MECOM: variants seen among roughly 807,000 people sequenced by gnomAD.
The protein encoded by MECOM is histone-lysine N-methyltransferase MECOM.
Under a neutral mutation model 116.3 loss-of-function variants are expected in MECOM, and 13 were observed. The ratio of observed to expected loss-of-function variants is 0.11; its 90% CI spans 0.07 to 0.18. The LOEUF is 0.18. MECOM is among the 10% of genes least tolerant of loss of function. MECOM has a pLI of 1.00. For missense variants in MECOM, 1,299 were observed against 1,509.0 expected (o/e 0.86, Z 2.31); for synonymous variants, 528 against 535.2 (o/e 0.99, Z 0.19).
chr3:169,091,803 A>G (rs927378005), intron 14 of MECOM, among the ~76,000 whole-genome samples: 3 of 151,872 alleles, frequency 2.0e-5, no homozygotes, highest in Admixed American at 2.0e-4. Flanking sequence ...TTATTTTAGT[A>G]AAAAATGTTT....
chr3:169,482,874 A>T (rs1185737848), intron 1 of MECOM, among the ~76,000 whole-genome samples: 2 of 152,256 alleles, frequency 1.3e-5, no homozygotes, highest in Non-Finnish European at 2.9e-5. Flanking sequence ...GCCACGAAGC[A>T]GGGACTTGCC....
At chr3:169,644,866 G>T (rs1039565708) in intron 1 of MECOM, among the ~76,000 whole-genome samples, 2 of 152,088 alleles carry the variant, frequency 1.3e-5, no homozygotes, top group African/African-American at 4.8e-5. Flanking sequence ...AGGAGTGTGG[G>T]CCCTTCAGGT....
chr3:169,663,303 G>A (rs1776573947), intron 1 of MECOM, 33 bp downstream of exon 1: 8 of 1,596,238 alleles, frequency 5.0e-6, no homozygotes, highest in Non-Finnish European at 6.8e-6. Flanking sequence ...AGAGGAGGGG[G>A]AAAAGCCAAT....
chr3:169,283,852 A>C (rs1402543489), intron 2 of MECOM, among the ~76,000 whole-genome samples: 1 of 152,110 alleles, frequency 6.6e-6, no homozygotes, highest in Non-Finnish European at 1.5e-5. Context: ...AATGGCTTCT[A>C]CTGATAGTTG....
intron 3 of MECOM, among the ~76,000 whole-genome samples, chr3:169,138,779 A>C (rs1350631735): frequency 6.6e-6 from 1 of 152,180 alleles, no homozygotes; most frequent in Admixed American, 6.5e-5. Context: ...ACATTTTTGC[A>C]GTATACATAG....
At chr3:169,384,815 G>A (rs983125302) in intron 1 of MECOM, among the ~76,000 whole-genome samples, 3 of 152,116 alleles carry the variant, frequency 2.0e-5, no homozygotes, top group African/African-American at 4.8e-5. Context: ...TTTAAAAAAG[G>A]ATAGAGGCCG....
intron 2 of MECOM, among the ~76,000 whole-genome samples, chr3:169,226,463 C>G (rs779221578): frequency 1.4e-4 from 21 of 152,150 alleles, no homozygotes; most frequent in Non-Finnish European, 2.8e-4. Context: ...TGTAACAATA[C>G]ATCTTTTCTG....
intron 1 of MECOM, among the ~76,000 whole-genome samples, chr3:169,573,864 T>G (rs1366623532): frequency 1.3e-5 from 2 of 152,112 alleles, no homozygotes; most frequent in African/African-American, 2.4e-5. Context: ...CCACGTTGAG[T>G]TGGAAATGAA....
At chr3:169,575,704 G>A (rs1254281892) in intron 1 of MECOM, among the ~76,000 whole-genome samples, 1 of 152,120 alleles carries the variant, frequency 6.6e-6, no homozygotes, top group Admixed American at 6.5e-5. Context: ...GTGGTGTGTC[G>A]TTCAACTGGT....
At chr3:169,250,725 A>G (rs554977417) in intron 2 of MECOM, among the ~76,000 whole-genome samples, 13 of 152,290 alleles carry the variant, frequency 8.5e-5, no homozygotes, top group African/African-American at 2.9e-4. Flanking sequence ...TGCATGAACT[A>G]TGGCCAACTA....
At chr3:169,485,752 C>A (rs765695313) in intron 1 of MECOM, among the ~76,000 whole-genome samples, 14 of 150,230 alleles carry the variant, frequency 9.3e-5, no homozygotes, top group Non-Finnish European at 2.1e-4. Flanking sequence ...ACGAAATATG[C>A]GATTTTGCAT....
intron 2 of MECOM, among the ~76,000 whole-genome samples, chr3:169,351,448 G>T (rs1194846418): frequency 6.6e-6 from 1 of 151,706 alleles, no homozygotes; most frequent in Non-Finnish European, 1.5e-5. Context: ...TAATATAAGA[G>T]AACTATTCAT....
At chr3:169,234,010 C>G (rs1753725838) in intron 2 of MECOM, among the ~76,000 whole-genome samples, 2 of 152,010 alleles carry the variant, frequency 1.3e-5, no homozygotes, top group South Asian at 4.1e-4. Context: ...TACAATATGC[C>G]TGTTACATTT....
intron 2 of MECOM, among the ~76,000 whole-genome samples, chr3:169,364,486 A>G (rs1319422814): frequency 1.3e-5 from 2 of 151,998 alleles, no homozygotes; most frequent in Non-Finnish European, 2.9e-5. Flanking sequence ...TCACGAGTCA[A>G]CTGTGTGCTT....
chr3:169,373,528 T>C (rs1216407673), intron 2 of MECOM, among the ~76,000 whole-genome samples: 1 of 152,040 alleles, frequency 6.6e-6, no homozygotes, highest in Non-Finnish European at 1.5e-5. Context: ...ATTCTGATTA[T>C]ATAACGGCTA....
intron 2 of MECOM, among the ~76,000 whole-genome samples, chr3:169,184,371 G>C (rs1420667638): frequency 6.6e-6 from 1 of 152,130 alleles, no homozygotes; most frequent in African/African-American, 2.4e-5. Flanking sequence ...AATGCTTTCA[G>C]GAGAATTCTG....
chr3:169,282,380 C>A (rs1247247138), intron 2 of MECOM, among the ~76,000 whole-genome samples: 1 of 152,052 alleles, frequency 6.6e-6, no homozygotes, highest in East Asian at 1.9e-4. Context: ...GAAGGTATCC[C>A]CCCAGATATG....
At position 169,654,079 on chromosome 3, in the gene MECOM, G is replaced by A. The variant is rs75799381; in HGVS notation, c.37+9257C>T. Among the ~76,000 whole-genome samples the A allele has an allele frequency of 8.5e-3, 1,301 of 152,236 alleles. 36 individuals carry two copies. In the East Asian group the frequency reaches 0.089, roughly 10 times the overall value. Reference sequence around the variant, plus strand: ...TTCCTCTAAAAGAATTGCATTATCCGATGATATTCCCAACAATATTCACTG... The same window carrying A: ...TTCCTCTAAAAGAATTGCATTATCCAATGATATTCCCAACAATATTCACTG... On this transcript the variant is annotated intron_variant, in intron 1 of 16. Coordinates refer to ENST00000651503, the MANE Select transcript of MECOM (RefSeq NM_004991.4).
chr3:169,333,475 C>T (rs942476749), intron 2 of MECOM, among the ~76,000 whole-genome samples: 3 of 151,794 alleles, frequency 2.0e-5, no homozygotes, highest in Admixed American at 1.3e-4. Context: ...TGGTTGACAT[C>T]CCTCCCCAAT....
Sources: gnomAD v4.1 joint callset for allele counts (sites outside exome capture counted in the v4.1 genomes callset) on GRCh38, gnomAD v4.1.1 for gene constraint, MANE v1.5 for transcripts, NCBI Gene and HGNC (gene_info 2026-07-23, HGNC 2026-07-21) for gene names.